The following CELF2 variants were observed in gnomAD, a reference collection of about 807,000 sequenced individuals.
CELF2 encodes the protein CUGBP Elav-like family member 2.
CELF2 carries 8 observed loss-of-function variants against 62.6 expected under a neutral mutation model. The observed-to-expected ratio is 0.13, with a 90% CI of 0.07 to 0.23. The LOEUF (loss-of-function observed/expected upper bound fraction) is 0.23. Among genes scored for constraint, CELF2 ranks in the 10% least tolerant of loss-of-function variants. CELF2 has a pLI of 1.00. For synonymous variants in CELF2, 258 were observed against 250.0 expected (o/e 1.03, Z -0.30); for missense variants, 333 against 671.0 (o/e 0.50, Z 5.56).
At chr10:11,256,517 G>A (rs914929077) in intron 4 of CELF2, among the ~76,000 whole-genome samples, 46 of 149,656 alleles carry the variant, frequency 3.1e-4, no homozygotes, top group Non-Finnish European at 5.2e-4. Context: ...GTGACTTAAA[G>A]CAGAGTCCTC....
At chr10:10,877,056 G>A (rs565781068) in intron 1 of CELF2, among the ~76,000 whole-genome samples, 1 of 152,322 alleles carries the variant, frequency 6.6e-6, no homozygotes, top group East Asian at 1.9e-4. Flanking sequence ...TATTGCAGGA[G>A]GCATCTAAAG....
At chr10:10,501,781 A>G in the CELF2 span, among the ~76,000 whole-genome samples, 1 of 152,288 alleles carries the variant, frequency 6.6e-6, no homozygotes, top group East Asian at 1.9e-4. Context: ...TACTTAATGA[A>G]CTGGCTAGAA....
chr10:11,262,593 C>G (rs1297492689), intron 5 of CELF2, among the ~76,000 whole-genome samples: 1 of 152,158 alleles, frequency 6.6e-6, no homozygotes, highest in Non-Finnish European at 1.5e-5. Context: ...TGTACCCAGC[C>G]TCGCATGCCA....
the CELF2 span, among the ~76,000 whole-genome samples, chr10:10,560,522 C>A: frequency 6.6e-6 from 1 of 152,114 alleles, no homozygotes; most frequent in African/African-American, 2.4e-5. Context: ...CCGGTTCCCT[C>A]CACTTGTAAG....
In CELF2 at chr10:11,306,737, C is replaced by T. The variant is rs1455031210; in HGVS notation, c.977-7402C>T. 6.6e-6 allele frequency among the ~76,000 whole-genome samples: 1 copy of T among 152,078 alleles called. No individual in the cohort carries two copies. ...ATTTTTCTTAGTCTCATGCTTGATT[C>T]TTCTCCCTCCTTTTCTTCACCGTCT... On this transcript the variant is annotated intron_variant, in intron 9 of 12. Transcript: ENST00000633077. The surrounding 1 kb of genome is among the most constrained non-coding windows in gnomAD (Gnocchi z 4.4).
chr10:10,560,326 G>C, the CELF2 span, among the ~76,000 whole-genome samples: 1 of 152,184 alleles, frequency 6.6e-6, no homozygotes, highest in Non-Finnish European at 1.5e-5. Context: ...TAGAATGTAA[G>C]TTTTCATCTT....
the CELF2 span, among the ~76,000 whole-genome samples, chr10:10,675,044 A>C: frequency 0.28 from 42,195 of 152,148 alleles, 6,273 homozygotes; most frequent in South Asian, 0.52. Context: ...AAAAATAAGA[A>C]TAAATGTTTT....
At chr10:11,020,468 C>T (rs989677547) in intron 1 of CELF2, among the ~76,000 whole-genome samples, 5 of 151,974 alleles carry the variant, frequency 3.3e-5, no homozygotes, top group South Asian at 2.1e-4. Flanking sequence ...GCCTGAAATC[C>T]GCCTAAGTTG....
the CELF2 span, among the ~76,000 whole-genome samples, chr10:10,720,032 C>G: frequency 6.6e-6 from 1 of 152,192 alleles, no homozygotes; most frequent in African/African-American, 2.4e-5. Flanking sequence ...CCTAAGTGAA[C>G]ATAACTTAGC....
chr10:10,766,162 G>C, the CELF2 span, among the ~76,000 whole-genome samples: 1 of 152,204 alleles, frequency 6.6e-6, no homozygotes, highest in Non-Finnish European at 1.5e-5. Context: ...CCATCATTTT[G>C]TTATTGGGTG....
At chr10:10,767,204 C>G in the CELF2 span, among the ~76,000 whole-genome samples, 1 of 152,128 alleles carries the variant, frequency 6.6e-6, no homozygotes, top group Non-Finnish European at 1.5e-5. Context: ...CAACAACCAA[C>G]AGTACCGCCA....
chr10:10,818,546 CTTT>C lies in CELF2; in HGVS notation c.53+19747_53+19749del, dbSNP rs3028992. 3.8e-4 allele frequency among the ~76,000 whole-genome samples: 44 copies of C among 116,534 alleles called. 1 individual carries two copies. Among genetic ancestry groups the C allele is most frequent in the East Asian group, 3.7e-3 (15 of 4,036 alleles). The allele number at this position is 116,534 out of a possible 152,430, so 76.5% of individuals were successfully genotyped here. On this transcript the variant is annotated intron_variant, in intron 1 of 13. Transcript: ENST00000636488. ...TCCAACAAGCAGCATTAAATATTTC[CTTT>C]TTTTTTTTTTTTTTTTTCTTGAGAC...
chr10:10,625,618 A>G, the CELF2 span, among the ~76,000 whole-genome samples: 3 of 152,160 alleles, frequency 2.0e-5, no homozygotes, highest in Non-Finnish European at 4.4e-5. Context: ...AAAACTTCTT[A>G]CTTGATCATT....
intron 2 of CELF2, among the ~76,000 whole-genome samples, chr10:10,984,274 C>A (rs1041458275): frequency 6.6e-6 from 1 of 152,154 alleles, no homozygotes; most frequent in Admixed American, 6.5e-5. Flanking sequence ...ACTTCACATC[C>A]CATCATAAAA....
the CELF2 span, among the ~76,000 whole-genome samples, chr10:10,480,950 C>G: frequency 6.6e-6 from 1 of 152,142 alleles, no homozygotes; most frequent in Non-Finnish European, 1.5e-5. Flanking sequence ...GTAATTCCAG[C>G]TACTCGGGAG....
At chr10:10,464,272 C>T in the CELF2 span, among the ~76,000 whole-genome samples, 3 of 152,060 alleles carry the variant, frequency 2.0e-5, no homozygotes, top group South Asian at 2.1e-4. Flanking sequence ...CTGTTCTTAT[C>T]CACCGGTAAC....
chr10:10,853,943 A>G (rs1379289133), intron 1 of CELF2, among the ~76,000 whole-genome samples: 1 of 152,218 alleles, frequency 6.6e-6, no homozygotes, highest in Non-Finnish European at 1.5e-5. Context: ...TGTGGTGTTT[A>G]AAGAGTGCTC....
the CELF2 span, among the ~76,000 whole-genome samples, chr10:10,643,039 G>A: frequency 6.6e-6 from 1 of 152,242 alleles, no homozygotes; most frequent in East Asian, 1.9e-4. Flanking sequence ...AGATAAGAAA[G>A]TTCTGTTGAA....
chr10:10,849,488 C>T (rs918528526), intron 1 of CELF2, among the ~76,000 whole-genome samples: 16 of 152,104 alleles, frequency 1.1e-4, no homozygotes, highest in Non-Finnish European at 1.8e-4. Context: ...TGTTTCTCAA[C>T]ATTTTGCCAT....
Sources: allele counts gnomAD v4.1 joint callset (sites outside exome capture counted in the v4.1 genomes callset), GRCh38; gene constraint gnomAD v4.1.1; non-coding constraint Gnocchi (gnomAD v3.1); transcripts MANE v1.5; gene names NCBI Gene and HGNC (gene_info 2026-07-23, HGNC 2026-07-21).